GCH1: variants seen among roughly 807,000 people sequenced by gnomAD.
GCH1 encodes GTP cyclohydrolase 1, also known as GTP cyclohydrolase I.
A neutral mutation model predicts 25.9 loss-of-function variants in GCH1; 5 were observed. The observed-to-expected ratio is 0.19, with a 90% CI of 0.10 to 0.41. The LOEUF is 0.41. Among genes scored for constraint, GCH1 ranks in the 10% least tolerant of loss-of-function variants. The probability of loss-of-function intolerance (pLI) is 1.00; values close to 1 mark genes in which losing one functional copy is unlikely to be tolerated. For missense variants in GCH1, 261 were observed against 336.5 expected, an observed-to-expected ratio of 0.78 and a Z score of 1.75; for synonymous variants, 159 against 129.6, an observed-to-expected ratio of 1.23 and a Z score of -1.54.
In GCH1 at chr14:54,902,525, C is replaced by T; in HGVS notation, c.139G>A (p.Ala47Thr). 1 of 1,585,874 alleles carries T rather than the reference C, an allele frequency of 6.3e-7. No homozygotes were observed. The highest frequency in any genetic ancestry group is 8.6e-7 in the Non-Finnish European group (1 of 1,168,054). The change falls in exon 1 of 6, where the codon GCG (alanine) becomes ACG (threonine). Residue 47 changes from alanine (A) to threonine (T), a missense_variant. Ala to Thr is a moderately conservative substitution (Grantham distance 58). Around this residue, in one of 3 missense-constraint regions of GCH1, gnomAD observed 125 missense variants for 128.7 expected, o/e 0.97. Transcript: ENST00000491895. ...EKPPRPEAKS[A>T]QPADGWKGER... is the part of the protein sequence containing the mutation. ...CCCTTCCAGCCGTCCGCGGGCTGCG[C>T]GCTCTTGGCCTCGGGCCGCGGGGGC...
At chr14:54,860,087 T>C (rs1362013106) in intron 2 of GCH1, among the ~76,000 whole-genome samples, 1 of 152,142 alleles carries the variant, frequency 6.6e-6, no homozygotes, top group African/African-American at 2.4e-5. Context: ...AGAACCTGCA[T>C]ATATGAAAAG....
At chr14:54,889,739 A>C (rs2040400163) in intron 1 of GCH1, among the ~76,000 whole-genome samples, 1 of 152,218 alleles carries the variant, frequency 6.6e-6, no homozygotes, top group African/African-American at 2.4e-5. Flanking sequence ...TAAAGGCCAA[A>C]CATTGCAAAA....
At chr14:54,888,982 G>A (rs543262087) in intron 1 of GCH1, among the ~76,000 whole-genome samples, 7 of 152,328 alleles carry the variant, frequency 4.6e-5, no homozygotes, top group Non-Finnish European at 8.8e-5. Context: ...TTACTGTGGT[G>A]GAGGAGGGGT....
chr14:54,852,632 T>C (rs2039749356), intron 3 of GCH1, among the ~76,000 whole-genome samples: 1 of 152,230 alleles, frequency 6.6e-6, no homozygotes, highest in African/African-American at 2.4e-5. Flanking sequence ...GGAATTTTTT[T>C]TTCTCAATCA....
intron 1 of GCH1, chr14:54,878,024 A>G (rs2040188553): frequency 6.5e-6 from 1 of 153,282 alleles, no homozygotes; most frequent in African/African-American, 2.4e-5. Context: ...TGCTACACAG[A>G]AACTTCATCT....
chr14:54,894,842 A>C (rs1383903448), intron 1 of GCH1, among the ~76,000 whole-genome samples: 1 of 152,238 alleles, frequency 6.6e-6, no homozygotes, highest in Non-Finnish European at 1.5e-5. Context: ...AACCAAGCAC[A>C]AAAATTATTA....
At chr14:54,882,914 G>A (rs946525279) in intron 1 of GCH1, among the ~76,000 whole-genome samples, 1 of 152,164 alleles carries the variant, frequency 6.6e-6, no homozygotes. Context: ...CCAATCAACA[G>A]GGAGTTTTGG....
chr14:54,862,545 C>T (rs1473508892), intron 2 of GCH1, among the ~76,000 whole-genome samples: 5 of 146,164 alleles, frequency 3.4e-5, no homozygotes, highest in African/African-American at 1.3e-4. Flanking sequence ...ACCATGCTAG[C>T]TAATTTTTGC....
chr14:54,857,290 T>C (rs549824710), intron 3 of GCH1, among the ~76,000 whole-genome samples: 5 of 152,354 alleles, frequency 3.3e-5, no homozygotes, highest in African/African-American at 1.2e-4. Context: ...GATCTTTTCC[T>C]TTCACTTGGA....
At chr14:54,846,943 T>C (rs1399899888) in intron 4 of GCH1, among the ~76,000 whole-genome samples, 156 bp downstream of exon 4, 1 of 151,948 alleles carries the variant, frequency 6.6e-6, no homozygotes, top group African/African-American at 2.4e-5. Flanking sequence ...ACTCTTATAA[T>C]CTCAGCTACT....
intron 1 of GCH1, among the ~76,000 whole-genome samples, chr14:54,878,648 A>T (rs933522123): frequency 7.9e-5 from 12 of 152,214 alleles, no homozygotes; most frequent in African/African-American, 2.9e-4. Flanking sequence ...GTTAAGCATT[A>T]TATCTGAAGG....
intron 1 of GCH1, chr14:54,885,049 A>G (rs1229822567): frequency 1.6e-5 from 5 of 311,824 alleles, no homozygotes; most frequent in Non-Finnish European, 3.1e-5. Context: ...GGTGTGGCCC[A>G]TTGCAGACAC....
At chr14:54,901,500 C>T (rs1370687063) in intron 1 of GCH1, among the ~76,000 whole-genome samples, 1 of 152,200 alleles carries the variant, frequency 6.6e-6, no homozygotes, top group Admixed American at 6.5e-5. Context: ...AAAGCCGACA[C>T]GCCTCAGACG....
intron 1 of GCH1, among the ~76,000 whole-genome samples, chr14:54,892,152 C>A (rs2040431692): frequency 6.6e-6 from 1 of 152,128 alleles, no homozygotes; most frequent in Admixed American, 6.5e-5. Context: ...AAAGCTATGG[C>A]CACAGCACAT....
chr14:54,859,380 C>T, intron 3 of GCH1: 1 of 412,342 alleles, frequency 2.4e-6, no homozygotes, highest in South Asian at 2.3e-5. Context: ...TGGGGCTGGA[C>T]TGAAGGTAAG....
chr14:54,863,072 C>T (rs1432404266), intron 2 of GCH1, among the ~76,000 whole-genome samples: 1 of 151,918 alleles, frequency 6.6e-6, no homozygotes, highest in Non-Finnish European at 1.5e-5. Context: ...CGTTATTAGA[C>T]ACTATTTAAG....
intron 3 of GCH1, among the ~76,000 whole-genome samples, chr14:54,855,383 G>A (rs1305725635): frequency 6.6e-6 from 1 of 151,870 alleles, no homozygotes; most frequent in Non-Finnish European, 1.5e-5. Flanking sequence ...GTACACGCCT[G>A]TAATCCCAGC....
At chr14:54,880,389 A>G (rs1246374772) in intron 1 of GCH1, among the ~76,000 whole-genome samples, 1 of 142,212 alleles carries the variant, frequency 7.0e-6, no homozygotes, top group African/African-American at 2.6e-5. Context: ...ATAATATAAT[A>G]TATATTATAT....
At chr14:54,873,303 A>G (rs1404524850) in intron 1 of GCH1, among the ~76,000 whole-genome samples, 1 of 152,214 alleles carries the variant, frequency 6.6e-6, no homozygotes, top group Non-Finnish European at 1.5e-5. Flanking sequence ...TAATGAGAAC[A>G]AAGACACAAC....
Sources: gnomAD v4.1 joint callset for allele counts (sites outside exome capture counted in the v4.1 genomes callset) on GRCh38, gnomAD v4.1.1 for gene constraint, gnomAD v4.1.1 regional missense constraint, MANE v1.5 for transcripts, NCBI Gene and HGNC (gene_info 2026-07-23, HGNC 2026-07-21) for gene names.